Variants in STK11 observed in about 807,000 individuals in gnomAD.
The protein encoded by STK11 is serine/threonine-protein kinase STK11.
A neutral mutation model predicts 47.3 loss-of-function variants in STK11; 8 were observed. That is an observed-to-expected ratio of 0.17 (90% confidence interval 0.10 to 0.31). STK11 has a LOEUF of 0.31. Among genes scored for constraint, STK11 ranks in the 10% least tolerant of loss-of-function variants. The pLI, the probability that STK11 is intolerant of heterozygous loss-of-function variation, is 1.00. For missense variants in STK11, 475 were observed against 605.0 expected (o/e 0.79, Z 2.25); for synonymous variants, 330 against 255.8 (o/e 1.29, Z -2.77).
intron 1 of STK11, among the ~76,000 whole-genome samples, chr19:1,212,552 G>A (rs913639267): frequency 6.6e-6 from 1 of 151,132 alleles, no homozygotes; most frequent in Non-Finnish European, 1.5e-5. Flanking sequence ...GCTTCGCCAC[G>A]TTCACCTTTA....
intron 1 of STK11, among the ~76,000 whole-genome samples, chr19:1,212,512 A>C (rs778728107): frequency 6.6e-6 from 1 of 152,074 alleles, no homozygotes; most frequent in Non-Finnish European, 1.5e-5. Flanking sequence ...TGGGCCTCCC[A>C]GAGTGCTGGG....
In STK11 at chr19:1,226,371, C is replaced by T. The variant is rs896210637; in HGVS notation, c.1109-83C>T. 3.2e-5 allele frequency: 50 copies of T among 1,547,648 alleles called. No individual in the cohort carries two copies. In the South Asian group the frequency reaches 4.5e-4, roughly 14 times the overall value. ...GCCTGGGCAGCAGCTGTAAGTGCGT[C>T]CCCGTGGTGGGGGCCAGCCAGGTCC... On this transcript the variant is annotated intron_variant, in intron 8 of 9. Coordinates refer to ENST00000326873, the MANE Select transcript of STK11 (RefSeq NM_000455.5).
rs752699287 is a variant in STK11 at position 1,226,622 on chromosome 19, G to C, written c.1277G>C (p.Arg426Pro). The change falls in exon 9 of 10, where the codon CGG becomes CCG. Residue 426 changes from arginine (R) to proline (P), a missense_variant. Physicochemically the swap from Arg to Pro is moderately radical, Grantham distance 103. Around this residue, in one of 5 missense-constraint regions of STK11, gnomAD observed 219 missense variants for 189.2 expected, o/e 1.16. Coordinates refer to ENST00000326873, the MANE Select transcript of STK11 (RefSeq NM_000455.5). Reference sequence around the variant, plus strand: ...TGCTCCGCCAGCAGCAAGATCCGCCGGCTGTCGGCCTGCAAGCAGCAGTGA... The same window carrying C: ...TGCTCCGCCAGCAGCAAGATCCGCCCGCTGTCGGCCTGCAAGCAGCAGTGA... ...KACSASSKIR[R>P]LSACKQQ 3 of 1,547,634 alleles carry C rather than the reference G, an allele frequency of 1.9e-6. No individual in the cohort carries two copies. The highest frequency in any genetic ancestry group is 2.4e-5 in the East Asian group (1 of 41,016).
At chr19:1,225,691 G>A (rs2080815934) in intron 8 of STK11, 2 of 985,636 alleles carry the variant, frequency 2.0e-6, no homozygotes, top group African/African-American at 3.5e-5. Flanking sequence ...CTGGGCACAT[G>A]AGCTCTGGGG....
intron 5 of STK11, 76 bp from the exon 6 acceptor site, chr19:1,221,137 T>C: frequency 6.3e-7 from 1 of 1,587,772 alleles, no homozygotes. Context: ...CCTCTGTCCC[T>C]GGGGTAGAGC....
In STK11 at chr19:1,223,132, C is replaced by T. The variant is rs187744790; in HGVS notation, c.1068C>T (p.Ile356=). The change falls in exon 8 of 10, where the codon ATC becomes ATT. Residue 356 remains isoleucine (I), a synonymous_variant. Transcript: ENST00000326873. ...ACGAGGACGAGGACCTCTTCGACAT[C>T]GAGGATGACATCATCTACACTCAGG... ...GADEDEDLFD[I]EDDIIYTQDF... is the part of the protein sequence containing the mutation. 1.1e-5 allele frequency: 18 copies of T among 1,611,676 alleles called. No individual in the cohort carries two copies. Among genetic ancestry groups the T allele is most frequent in the South Asian group, 2.2e-5 (2 of 90,850 alleles).
Position 1,223,164 on chromosome 19 carries a change from C to T in STK11, c.1100C>T (p.Thr367Met), listed in dbSNP as rs587782835. ...EDDIIYTQDF[T>M]VPGQVPEEEA... ...GACATCATCTACACTCAGGACTTCACGGTGCCCGGTGAGTCTGGCGGGGGC... is the reference window on the plus strand; with the variant it reads ...GACATCATCTACACTCAGGACTTCATGGTGCCCGGTGAGTCTGGCGGGGGC... Residue 367 changes from threonine (T) to methionine (M), a missense_variant, in exon 8 of 10, where the codon ACG becomes ATG. Coordinates refer to ENST00000326873, the MANE Select transcript of STK11 (RefSeq NM_000455.5). 1.9e-5 allele frequency: 30 copies of T among 1,610,600 alleles called. No individual in the cohort carries two copies. Among genetic ancestry groups the T allele is most frequent in the East Asian group, 4.5e-5 (2 of 44,844 alleles).
rs786201228 is a variant in STK11 at position 1,220,592 on chromosome 19, G to A, written c.609G>A (p.Pro203=). Residue 203 remains proline (P), a synonymous_variant, in exon 5 of 10, where the codon CCG becomes CCA. Transcript: ENST00000326873. ...SDLGVAEALH[P]FAADDTCRTS... ...CGGCACCGCCACAGGCACTGCACCC[G>A]TTCGCGGCGGACGACACCTGCCGGA... is the stretch of plus-strand genomic sequence containing the variant. 4.4e-6 allele frequency: 7 copies of A among 1,587,418 alleles called. No homozygotes were observed. The highest frequency in any genetic ancestry group is 2.3e-5 in the South Asian group (2 of 88,330).
At chr19:1,221,484 C>T (rs1453771124) in intron 6 of STK11, 144 bp downstream of exon 6, 3 of 1,314,792 alleles carry the variant, frequency 2.3e-6, no homozygotes, top group Non-Finnish European at 3.0e-6. Flanking sequence ...GCCGACCTCC[C>T]CGCAGGGCCT....
intron 1 of STK11, among the ~76,000 whole-genome samples, chr19:1,212,386 G>C (rs1351524205): frequency 6.9e-6 from 1 of 143,924 alleles, no homozygotes; most frequent in African/African-American, 2.6e-5. Context: ...CTGCCCCCAA[G>C]GTAGCTGGGA....
At position 1,228,159 on chromosome 19, in the gene STK11, C is replaced by T. The variant is rs1383057749; in HGVS notation, c.*583C>T. On this transcript the variant is annotated 3_prime_UTR_variant, in exon 10 of 10. Coordinates refer to ENST00000326873, the MANE Select transcript of STK11 (RefSeq NM_000455.5). Reference sequence around the variant, plus strand: ...CAGGGGGGCTGTGGGGTCGGGCTCACGTCGCGGCCGCCTTTGCGCTCTCGG... The same window carrying T: ...CAGGGGGGCTGTGGGGTCGGGCTCATGTCGCGGCCGCCTTTGCGCTCTCGG... 2.0e-5 allele frequency: 21 copies of T among 1,061,682 alleles called. No homozygotes were observed. Among genetic ancestry groups the T allele is most frequent in the Non-Finnish European group, 2.4e-5 (21 of 876,050 alleles). The allele number at this position is 1,061,682 out of a possible 1,614,324, so 65.8% of individuals were successfully genotyped here.
intron 1 of STK11, among the ~76,000 whole-genome samples, chr19:1,210,073 C>T (rs1416697898): frequency 6.6e-6 from 1 of 152,178 alleles, no homozygotes; most frequent in Non-Finnish European, 1.5e-5. Context: ...TGGTCACTGT[C>T]TGCCATCAGG....
rs1453851790 is a variant in STK11, at chr19:1,206,764, G to C, written c.-150G>C. On this transcript the variant is annotated 5_prime_UTR_variant, in exon 1 of 10. Coordinates refer to ENST00000326873, the MANE Select transcript of STK11 (RefSeq NM_000455.5). ...AGAACAATCGTTTCTGTTGGAAGAA[G>C]GGTTTTTCCCTTCCTTTTGGGGTTT... The C allele has an allele frequency of 1.8e-5, 18 of 1,024,356 alleles. No homozygotes were observed. The highest frequency in any genetic ancestry group is 2.2e-5 in the Non-Finnish European group (16 of 725,956). 63.5% of individuals were successfully genotyped at this position (1,024,356 alleles called of 1,614,324 possible).
At chr19:1,220,202 G>T in intron 3 of STK11, 171 bp from the exon 4 acceptor site, 1 of 840,622 alleles carries the variant, frequency 1.2e-6, no homozygotes, top group Non-Finnish European at 1.8e-6. Context: ...CACTGCAGGC[G>T]CAGGTGTGGC....
rs1400078073 is a variant in STK11, at chr19:1,207,162, G to A, written c.249G>A (p.Lys83=). The change falls in exon 1 of 10, where the codon AAG becomes AAA. Residue 83 remains lysine, a synonymous_variant. Coordinates refer to ENST00000326873, the MANE Select transcript of STK11 (RefSeq NM_000455.5). ...GGGCCGTCAAGATCCTCAAGAAGAA[G>A]AAGTTGCGAAGGATCCCCAACGGGG... The part of the protein sequence containing the change: ...CRRAVKILKK[K]KLRRIPNGEA... The A allele has an allele frequency of 3.7e-6, 6 of 1,611,652 alleles. No homozygotes were observed. Among genetic ancestry groups the A allele is most frequent in the South Asian group, 1.1e-5 (1 of 90,692 alleles).
intron 1 of STK11, among the ~76,000 whole-genome samples, chr19:1,208,742 C>T (rs898961377): frequency 2.0e-5 from 3 of 147,894 alleles, no homozygotes; most frequent in Middle Eastern, 3.5e-3. Context: ...CTCAGCCTCC[C>T]GAGTAGCTGG....
intron 1 of STK11, among the ~76,000 whole-genome samples, chr19:1,215,598 C>G (rs918315757): frequency 6.6e-6 from 1 of 152,234 alleles, no homozygotes; most frequent in African/African-American, 2.4e-5. Flanking sequence ...CAGGCCTTGG[C>G]CTTCTGAGGT....
intron 1 of STK11, among the ~76,000 whole-genome samples, chr19:1,209,558 G>C (rs543876304): frequency 6.6e-6 from 1 of 151,878 alleles, no homozygotes; most frequent in East Asian, 1.9e-4. Context: ...CTCCAGCCTG[G>C]GCGACACAGC....
At chr19:1,213,880 C>T (rs1029354459) in intron 1 of STK11, among the ~76,000 whole-genome samples, 18 of 152,310 alleles carry the variant, frequency 1.2e-4, no homozygotes, top group South Asian at 6.2e-4. Flanking sequence ...CGTGGGAGGC[C>T]GGGGCGAGGG....
Sources: allele counts gnomAD v4.1 joint callset (sites outside exome capture counted in the v4.1 genomes callset), GRCh38; gene constraint gnomAD v4.1.1; regional missense constraint gnomAD v4.1.1; transcripts MANE v1.5; gene names NCBI Gene and HGNC (gene_info 2026-07-23, HGNC 2026-07-21).